Variants in GDA observed in about 807,000 individuals in gnomAD.
GDA encodes cytoplasmic PSD-95 interactor.
GDA carries 18 observed loss-of-function variants against 59.6 expected under a neutral mutation model. The observed-to-expected ratio is 0.30, with a 90% CI of 0.21 to 0.45. The LOEUF is 0.45. Ranked by LOEUF, GDA falls within the 20% of genes least tolerant of loss-of-function variation. GDA has a pLI of 1.00. For missense variants in GDA, 427 were observed against 552.3 expected (o/e 0.77, Z 2.27); for synonymous variants, 201 against 201.1 (o/e 1.00, Z 0.00).
At chr9:72,152,783 T>C (rs1036893405) in intron 1 of GDA, among the ~76,000 whole-genome samples, 9 of 152,288 alleles carry the variant, frequency 5.9e-5, no homozygotes, top group African/African-American at 2.2e-4. Flanking sequence ...GTGCAGAAGC[T>C]CTTTAGTTTA....
chr9:72,177,053 T>C (rs140610426), intron 1 of GDA, among the ~76,000 whole-genome samples: 2 of 150,656 alleles, frequency 1.3e-5, no homozygotes, highest in Admixed American at 6.6e-5. Flanking sequence ...GTGATCCTAG[T>C]GGGAAAAATG....
chr9:72,124,563 T>C (rs1825780844), intron 1 of GDA, among the ~76,000 whole-genome samples: 1 of 152,174 alleles, frequency 6.6e-6, no homozygotes, highest in Non-Finnish European at 1.5e-5. Context: ...AAAAGAGTGT[T>C]GAGAAGTCTT....
chr9:72,174,498 C>T (rs970774455), intron 1 of GDA, among the ~76,000 whole-genome samples: 1 of 152,130 alleles, frequency 6.6e-6, no homozygotes, highest in Non-Finnish European at 1.5e-5. Flanking sequence ...CAAATTCACA[C>T]AGCTGGAAAG....
intron 1 of GDA, among the ~76,000 whole-genome samples, chr9:72,126,349 C>G (rs1418644976): frequency 6.6e-6 from 1 of 152,192 alleles, no homozygotes; most frequent in Admixed American, 6.5e-5. Flanking sequence ...TTTTGAGCAT[C>G]TGCTATACAC....
intron 1 of GDA, among the ~76,000 whole-genome samples, chr9:72,167,532 A>C (rs1276013515): frequency 6.6e-6 from 1 of 152,194 alleles, no homozygotes; most frequent in East Asian, 1.9e-4. Context: ...GAACATGGCA[A>C]AAAGTGGTCT....
intron 1 of GDA, among the ~76,000 whole-genome samples, chr9:72,171,441 C>A (rs552998701): frequency 6.6e-6 from 1 of 152,118 alleles, no homozygotes; most frequent in Non-Finnish European, 1.5e-5. Flanking sequence ...CTTCTGCTAG[C>A]CTTTACCTGG....
chr9:72,125,238 G>T (rs558057824), intron 1 of GDA, among the ~76,000 whole-genome samples: 1 of 152,148 alleles, frequency 6.6e-6, no homozygotes, highest in South Asian at 2.1e-4. Flanking sequence ...CTGTTCCGTG[G>T]GCTTCTTTGG....
At chr9:72,217,751 T>A (rs1836318278) in intron 5 of GDA, among the ~76,000 whole-genome samples, 1 of 152,220 alleles carries the variant, frequency 6.6e-6, no homozygotes, top group Non-Finnish European at 1.5e-5. Flanking sequence ...TGGGTCATAC[T>A]ATGGCTTGAG....
chr9:72,223,875 G>A (rs905777399), intron 7 of GDA, among the ~76,000 whole-genome samples: 6 of 152,034 alleles, frequency 3.9e-5, no homozygotes, highest in Non-Finnish European at 8.8e-5. Context: ...AGGAGTTGAC[G>A]GTCTTATAAG....
intron 1 of GDA, among the ~76,000 whole-genome samples, chr9:72,128,293 C>T (rs544086777): frequency 1.3e-5 from 2 of 152,284 alleles, no homozygotes; most frequent in Admixed American, 6.5e-5. Context: ...CTTCTATACT[C>T]ACCTCATATT....
intron 1 of GDA, among the ~76,000 whole-genome samples, chr9:72,185,025 CA>C (rs1257711380): frequency 6.6e-6 from 1 of 152,110 alleles, no homozygotes; most frequent in Admixed American, 6.5e-5. Flanking sequence ...GATTTTATAA[CA>C]AATGAAAATT....
chr9:72,143,428 C>T (rs1826514894), intron 1 of GDA, among the ~76,000 whole-genome samples: 1 of 152,074 alleles, frequency 6.6e-6, no homozygotes. Context: ...CACACCCGGC[C>T]CAAGAATATT....
chr9:72,228,519 C>T (rs1837889028), intron 9 of GDA: 2 of 154,670 alleles, frequency 1.3e-5, no homozygotes, highest in African/African-American at 4.8e-5. Context: ...TATTATAATT[C>T]CCCAGAATAC....
intron 1 of GDA, among the ~76,000 whole-genome samples, chr9:72,132,137 A>G (rs1826047061): frequency 1.3e-5 from 2 of 152,168 alleles, no homozygotes; most frequent in Admixed American, 6.5e-5. Context: ...GACACATGGG[A>G]ATTGTGCAAG....
intron 4 of GDA, among the ~76,000 whole-genome samples, chr9:72,213,621 G>A (rs919900127): frequency 4.6e-5 from 7 of 151,664 alleles, no homozygotes; most frequent in Non-Finnish European, 1.0e-4. Context: ...GGCTAACACG[G>A]TGAAACCCCG....
intron 11 of GDA, among the ~76,000 whole-genome samples, chr9:72,244,296 C>T (rs552528208): frequency 1.6e-4 from 24 of 152,224 alleles, no homozygotes; most frequent in African/African-American, 5.8e-4. Context: ...CTTTAAGGAA[C>T]TTTAGAGCCA....
chr9:72,165,909 A>AC (rs1311432087), intron 1 of GDA, among the ~76,000 whole-genome samples: 2 of 151,742 alleles, frequency 1.3e-5, no homozygotes, highest in African/African-American at 4.8e-5. Context: ...AAAAAAAAAA[A>AC]AACAACAAAA....
At chr9:72,228,289 C>A in intron 9 of GDA, 2 of 422,956 alleles carry the variant, frequency 4.7e-6, no homozygotes, top group Non-Finnish European at 8.6e-6. Context: ...AAAAAAAGGA[C>A]AATAGGGAAT....
chr9:72,220,805 G>A (rs916426135), intron 6 of GDA, among the ~76,000 whole-genome samples: 3 of 152,180 alleles, frequency 2.0e-5, no homozygotes, highest in African/African-American at 7.2e-5. Flanking sequence ...GCCACTGGCT[G>A]TCTTGGTCCC....
Sources: gnomAD v4.1 joint callset for allele counts (sites outside exome capture counted in the v4.1 genomes callset) on GRCh38, gnomAD v4.1.1 for gene constraint, MANE v1.5 for transcripts, NCBI Gene and HGNC (gene_info 2026-07-23, HGNC 2026-07-21) for gene names.